Variants in CDC42BPA observed in about 807,000 individuals in gnomAD.
CDC42BPA encodes the protein serine/threonine-protein kinase MRCK alpha.
A neutral mutation model predicts 223.5 loss-of-function variants in CDC42BPA; 80 were observed. The ratio of observed to expected loss-of-function variants is 0.36; its 90% CI spans 0.30 to 0.43. The LOEUF is 0.43. CDC42BPA is among the 20% of genes least tolerant of loss of function. The probability of loss-of-function intolerance (pLI) is 1.00; values close to 1 mark genes in which losing one functional copy is unlikely to be tolerated. For synonymous variants in CDC42BPA, 694 were observed against 718.6 expected (o/e 0.97, Z 0.55); for missense variants, 1,743 against 2,099.9 (o/e 0.83, Z 3.32).
intron 1 of CDC42BPA, among the ~76,000 whole-genome samples, chr1:227,297,855 T>C (rs1690908832): frequency 6.6e-6 from 1 of 151,142 alleles, no homozygotes; most frequent in Non-Finnish European, 1.5e-5. Context: ...GTTTTTGAAA[T>C]AGTGGTGATG....
At chr1:227,003,359 C>G (rs143210466) in intron 35 of CDC42BPA, among the ~76,000 whole-genome samples, 1 of 149,724 alleles carries the variant, frequency 6.7e-6, no homozygotes, top group East Asian at 2.0e-4. Flanking sequence ...CTGGCACACT[C>G]GATCGACACT....
At position 227,145,453 on chromosome 1, in the gene CDC42BPA, C is replaced by CA. The variant is rs760410457; in HGVS notation, c.1143+35dup. ...ACTATATAACCATAGTAGAAAGAAA[C>CA]AGAGGGACAGAACTTCTTCACAGTG... is the stretch of plus-strand genomic sequence containing the variant. On this transcript the variant is annotated intron_variant, in intron 8 of 36. Transcript: ENST00000366766. The CA allele has an allele frequency of 5.7e-6, 9 of 1,579,144 alleles. No individual in the cohort carries two copies. In the East Asian group the frequency reaches 2.0e-4, roughly 36 times the overall value.
At chr1:227,192,964 A>G (rs928548575) in intron 5 of CDC42BPA, among the ~76,000 whole-genome samples, 1 of 152,090 alleles carries the variant, frequency 6.6e-6, no homozygotes, top group Non-Finnish European at 1.5e-5. Flanking sequence ...AAGGAAACTG[A>G]CCAATGCATA....
chr1:227,088,595 C>T (rs1682441049), intron 16 of CDC42BPA, among the ~76,000 whole-genome samples: 1 of 152,038 alleles, frequency 6.6e-6, no homozygotes, highest in South Asian at 2.1e-4. Context: ...AAAAACAAAA[C>T]AAGTTTTAAA....
rs1446510544 is a variant in CDC42BPA, at chr1:227,017,036, C to A, written c.4630G>T (p.Val1544Leu). The change falls in exon 33 of 37, where the codon GTA (valine) becomes TTA (leucine). Residue 1544 changes from valine (V) to leucine (L), a missense_variant. By Grantham distance (32) the Val-to-Leu change is conservative. Coordinates refer to ENST00000366766, the MANE Select transcript of CDC42BPA (RefSeq NM_001394014.1). ...CTATTATCTGATGTTTCAGGTACTA[C>A]CAGTTCGTCCCCTTCTGTTAAAATA... Reference protein sequence around the residue: ...KNKMAEGDELVVPETSDNSRK... With the variant: ...KNKMAEGDELLVPETSDNSRK... 2 of 1,610,462 alleles carry A rather than the reference C, an allele frequency of 1.2e-6. No homozygotes were observed. Among genetic ancestry groups the A allele is most frequent in the African/African-American group, 2.7e-5 (2 of 74,782 alleles).
intron 5 of CDC42BPA, among the ~76,000 whole-genome samples, chr1:227,162,985 TGTTTCCAAAC>T (rs1664270312): frequency 3.2e-4 from 14 of 43,998 alleles, no homozygotes; most frequent in African/African-American, 6.0e-4. Flanking sequence ...TTTCCAAACA[TGTTTCCAAAC>T]ATGTGTATGT....
intron 2 of CDC42BPA, among the ~76,000 whole-genome samples, chr1:227,251,763 G>C (rs1572641782): frequency 1.3e-5 from 2 of 152,220 alleles, no homozygotes; most frequent in South Asian, 4.1e-4. Flanking sequence ...GGATATGGAA[G>C]ATTTAAACAA....
chr1:227,089,184 G>A (rs995919718), intron 16 of CDC42BPA, among the ~76,000 whole-genome samples: 1 of 152,150 alleles, frequency 6.6e-6, no homozygotes, highest in Admixed American at 6.5e-5. Flanking sequence ...ATTGCTTTCT[G>A]ACTTCTAGAT....
At chr1:227,176,062 T>C (rs1010944292) in intron 5 of CDC42BPA, among the ~76,000 whole-genome samples, 45 of 152,066 alleles carry the variant, frequency 3.0e-4, no homozygotes, top group African/African-American at 1.0e-3. Flanking sequence ...AAGCGATTCT[T>C]GAGCCTCAGC....
At chr1:227,308,242 A>C (rs1692898201) in intron 1 of CDC42BPA, among the ~76,000 whole-genome samples, 1 of 152,222 alleles carries the variant, frequency 6.6e-6, no homozygotes, top group Non-Finnish European at 1.5e-5. Flanking sequence ...ATGGTGGCTC[A>C]TGCCTAAAAT....
chr1:227,211,182 T>C (rs1673826215), intron 3 of CDC42BPA, among the ~76,000 whole-genome samples: 1 of 152,156 alleles, frequency 6.6e-6, no homozygotes, highest in African/African-American at 2.4e-5. Context: ...TTGAATATAA[T>C]GGACACTGGC....
intron 12 of CDC42BPA, among the ~76,000 whole-genome samples, chr1:227,116,727 T>C (rs1465392633): frequency 6.6e-6 from 1 of 152,134 alleles, no homozygotes; most frequent in Non-Finnish European, 1.5e-5. Flanking sequence ...TTGAACAAAT[T>C]TTACCGAAAC....
Position 227,074,240 on chromosome 1 carries a change from C to A in CDC42BPA, c.2586+19G>T, listed in dbSNP as rs368553960. The A allele has an allele frequency of 4.9e-5, 76 of 1,550,502 alleles. No homozygotes were observed. Among genetic ancestry groups the A allele is most frequent in the Non-Finnish European group, 6.5e-5 (73 of 1,126,798 alleles). ...TTTTCTAATATGATAAGCCTCCATG[C>A]AAAATCATAGAAGCTTACTGTTGCT... is the stretch of plus-strand genomic sequence containing the variant. On this transcript the variant is annotated intron_variant, in intron 18 of 36. Coordinates refer to ENST00000366766, the MANE Select transcript of CDC42BPA (RefSeq NM_001394014.1).
chr1:227,265,808 G>A (rs1270203920), intron 1 of CDC42BPA, among the ~76,000 whole-genome samples: 1 of 151,888 alleles, frequency 6.6e-6, no homozygotes, highest in East Asian at 1.9e-4. Context: ...TTTCTTCTAA[G>A]GAATGTATTT....
At chr1:227,261,124 C>CTTTCTTTCTTTTTTTT (rs386417862) in intron 1 of CDC42BPA, among the ~76,000 whole-genome samples, 2 of 121,000 alleles carry the variant, frequency 1.7e-5, no homozygotes, top group Non-Finnish European at 3.3e-5. Context: ...TTGAGTTTTT[C>CTTTCTTTCTTTTTTTT]TTTTTTTTTG....
intron 1 of CDC42BPA, among the ~76,000 whole-genome samples, chr1:227,308,163 A>G (rs879856933): frequency 6.6e-6 from 1 of 152,204 alleles, no homozygotes; most frequent in Non-Finnish European, 1.5e-5. Flanking sequence ...TTCAGTTATT[A>G]TTTACCAATA....
chr1:227,285,190 G>A (rs1197501367), intron 1 of CDC42BPA, among the ~76,000 whole-genome samples: 1 of 152,108 alleles, frequency 6.6e-6, no homozygotes, highest in East Asian at 1.9e-4. Context: ...AACATTAAAT[G>A]GTCTGGAACT....
At chr1:227,073,117 C>A (rs945920416) in intron 19 of CDC42BPA, among the ~76,000 whole-genome samples, 1 of 152,094 alleles carries the variant, frequency 6.6e-6, no homozygotes, top group Admixed American at 6.5e-5. Context: ...CATGGGCCTG[C>A]ATTTCTTTTC....
intron 5 of CDC42BPA, among the ~76,000 whole-genome samples, chr1:227,172,113 T>C (rs1666206709): frequency 6.6e-6 from 1 of 152,214 alleles, no homozygotes; most frequent in Non-Finnish European, 1.5e-5. Flanking sequence ...CTCTTAATTT[T>C]GTCAAAGAAA....
Sources: allele counts gnomAD v4.1 joint callset (sites outside exome capture counted in the v4.1 genomes callset), GRCh38; gene constraint gnomAD v4.1.1; transcripts MANE v1.5; gene names NCBI Gene and HGNC (gene_info 2026-07-23, HGNC 2026-07-21).